The following SPECC1 variants were observed in gnomAD, a reference collection of about 807,000 sequenced individuals.
SPECC1 encodes sperm antigen with calponin homology and coiled-coil domains 1, also known as cytospin-B.
In SPECC1, 62 loss-of-function variants were observed where a neutral mutation model predicts 104.1. That is an observed-to-expected ratio of 0.60 (90% CI 0.49 to 0.74). The LOEUF is 0.74. Among genes scored for constraint, SPECC1 ranks in the 30% least tolerant of loss-of-function variants. The pLI is 0.00. For synonymous variants in SPECC1, 513 were observed against 501.6 expected, an observed-to-expected ratio of 1.02 and a Z score of -0.30; for missense variants, 1,306 against 1,310.5, an observed-to-expected ratio of 1.00 and a Z score of 0.05.
chr17:20,306,999 A>G (rs1189248540), intron 14 of SPECC1, among the ~76,000 whole-genome samples: 1 of 152,250 alleles, frequency 6.6e-6, no homozygotes, highest in African/African-American at 2.4e-5. Flanking sequence ...GAATGATTCT[A>G]TTTAAAAAAG....
chr17:20,107,772 C>T (rs189736109), intron 2 of SPECC1, among the ~76,000 whole-genome samples: 11 of 152,204 alleles, frequency 7.2e-5, no homozygotes, highest in East Asian at 5.8e-4. Context: ...GTGATCTGCC[C>T]GTTTTGGCCT....
chr17:20,178,974 C>G (rs2034669113), intron 3 of SPECC1, among the ~76,000 whole-genome samples: 1 of 152,174 alleles, frequency 6.6e-6, no homozygotes, highest in Non-Finnish European at 1.5e-5. Flanking sequence ...GGAATTCTTA[C>G]CCACTTCACA....
chr17:20,232,265 C>T lies in SPECC1; in HGVS notation c.2211C>T (p.Asp737=), dbSNP rs1335353537. Residue 737 remains aspartate (D), a synonymous_variant, in exon 7 of 15, where the codon GAC becomes GAT. Transcript: ENST00000395527. ...AGACCGCAGTGGTGGTGGCCAATGA[C>T]ATCAAGTGTGAGGCCCAGCAGGAGC... ...DLQTAVVVAN[D]IKCEAQQELR... is the part of the protein sequence containing the mutation. 8.1e-6 allele frequency: 13 copies of T among 1,614,070 alleles called. No homozygotes were observed. In the Admixed American group the frequency reaches 1.7e-4, roughly 21 times the overall value.
chr17:20,051,064 TTCTTTTTC>T (rs1367417666), intron 1 of SPECC1, among the ~76,000 whole-genome samples: 8 of 129,634 alleles, frequency 6.2e-5, no homozygotes, highest in South Asian at 2.6e-4. Context: ...CTTTCTTTCT[TTCTTTTTC>T]TTTCTTTCTT....
chr17:20,026,748 GA>G (rs2044615394), intron 1 of SPECC1, among the ~76,000 whole-genome samples: 1 of 152,112 alleles, frequency 6.6e-6, no homozygotes, highest in Admixed American at 6.5e-5. Flanking sequence ...ATTAACATGA[GA>G]GTGCATATAT....
At chr17:20,270,380 G>T (rs1381278270) in intron 12 of SPECC1, among the ~76,000 whole-genome samples, 1 of 138,724 alleles carries the variant, frequency 7.2e-6, no homozygotes, top group Non-Finnish European at 1.5e-5. Flanking sequence ...GAGGACTGCT[G>T]AGACCAGGAG....
At chr17:20,059,278 A>T (rs2046090932) in intron 1 of SPECC1, among the ~76,000 whole-genome samples, 1 of 152,104 alleles carries the variant, frequency 6.6e-6, no homozygotes, top group African/African-American at 2.4e-5. Flanking sequence ...GTGATGGAAG[A>T]CAGTGACAGA....
chr17:20,095,565 T>C (rs2047606418), intron 1 of SPECC1: 2 of 152,274 alleles, frequency 1.3e-5, no homozygotes, highest in Non-Finnish European at 2.9e-5. Context: ...CTGAGCAGGA[T>C]GCTGCCTGTG....
chr17:20,219,586 C>T (rs1181507701), intron 4 of SPECC1, among the ~76,000 whole-genome samples: 2 of 152,120 alleles, frequency 1.3e-5, no homozygotes, highest in East Asian at 1.9e-4. Flanking sequence ...AATTCCTTAT[C>T]GGATGGGTAG....
intron 1 of SPECC1, among the ~76,000 whole-genome samples, chr17:20,045,593 C>T (rs955205690): frequency 1.3e-5 from 2 of 152,148 alleles, no homozygotes; most frequent in Non-Finnish European, 2.9e-5. Context: ...CATATGGTGG[C>T]TGTAATCAGT....
At chr17:20,229,461 TC>T (rs2038438371) in intron 5 of SPECC1, among the ~76,000 whole-genome samples, 1 of 152,020 alleles carries the variant, frequency 6.6e-6, no homozygotes, top group Non-Finnish European at 1.5e-5. Flanking sequence ...GCCCAGGAGT[TC>T]GAGACCAGCC....
intron 3 of SPECC1, among the ~76,000 whole-genome samples, chr17:20,197,215 G>A (rs1567926826): frequency 6.6e-6 from 1 of 152,212 alleles, no homozygotes; most frequent in East Asian, 1.9e-4. Context: ...CAGGCTGTTA[G>A]AGCTTGAATA....
intron 3 of SPECC1, among the ~76,000 whole-genome samples, chr17:20,133,802 C>T (rs999903006): frequency 2.6e-5 from 4 of 152,194 alleles, no homozygotes; most frequent in Admixed American, 2.0e-4. Flanking sequence ...TTTGTGTGAT[C>T]TGTTGTCAAA....
chr17:20,168,580 T>C (rs2033844232), intron 3 of SPECC1, among the ~76,000 whole-genome samples: 1 of 152,144 alleles, frequency 6.6e-6, no homozygotes, highest in South Asian at 2.1e-4. Flanking sequence ...TTTTCAAATA[T>C]ACTAGCCAAA....
At chr17:20,162,557 G>A (rs1486579461) in intron 3 of SPECC1, among the ~76,000 whole-genome samples, 1 of 152,174 alleles carries the variant, frequency 6.6e-6, no homozygotes, top group Non-Finnish European at 1.5e-5. Context: ...ACATATGAAG[G>A]CTTAAAATAG....
At chr17:20,238,306 C>G (rs2039031058) in intron 7 of SPECC1, 1 of 1,039,866 alleles carries the variant, frequency 9.6e-7, no homozygotes, top group Non-Finnish European at 1.2e-6. Flanking sequence ...GTGTTCAAAT[C>G]AGAGTGATAC....
At position 20,068,436 on chromosome 17, in the gene SPECC1, A is replaced by G. The variant is rs575717349; in HGVS notation, c.-21-28195A>G. Among the ~76,000 whole-genome samples the G allele has an allele frequency of 4.0e-3, 612 of 152,276 alleles. 1 individual carries two copies. Among genetic ancestry groups the G allele is most frequent in the Middle Eastern group, 0.02 (6 of 294 alleles). On this transcript the variant is annotated intron_variant, in intron 1 of 14. Coordinates refer to ENST00000395527, the MANE Select transcript of SPECC1 (RefSeq NM_001243439.2). Reference sequence around the variant, plus strand: ...CTTTATGGCTACTGTGATTAGTGCTATTGTGAACATTTGTCTGCAGGTTCT... The same window carrying G: ...CTTTATGGCTACTGTGATTAGTGCTGTTGTGAACATTTGTCTGCAGGTTCT...
rs138907323 is a variant in SPECC1 at position 20,249,186 on chromosome 17, G to A, written c.2598+1867G>A. ...TGTAATCCTAGCATTTTGGGAGGCCGAAGCAGGCAGATCACGAGGTCAGGA... is the reference window on the plus strand; with the variant it reads ...TGTAATCCTAGCATTTTGGGAGGCCAAAGCAGGCAGATCACGAGGTCAGGA... On this transcript the variant is annotated intron_variant, in intron 9 of 14. Coordinates refer to ENST00000395527, the MANE Select transcript of SPECC1 (RefSeq NM_001243439.2). Among the ~76,000 whole-genome samples the A allele has an allele frequency of 6.7e-3, 1,013 of 152,264 alleles. 11 individuals carry two copies. The highest frequency in any genetic ancestry group is 0.023 in the African/African-American group (955 of 41,526).
chr17:20,086,582 C>G (rs1197130737), intron 1 of SPECC1, among the ~76,000 whole-genome samples: 1 of 152,194 alleles, frequency 6.6e-6, no homozygotes, highest in Non-Finnish European at 1.5e-5. Flanking sequence ...CATGTGTAGC[C>G]TGCCTCTCCT....
Sources: gnomAD v4.1 joint callset for allele counts (sites outside exome capture counted in the v4.1 genomes callset) on GRCh38, gnomAD v4.1.1 for gene constraint, MANE v1.5 for transcripts, NCBI Gene and HGNC (gene_info 2026-07-23, HGNC 2026-07-21) for gene names.